IFT140: variants seen among roughly 807,000 people sequenced by gnomAD.
IFT140 encodes the protein intraflagellar transport protein 140 homolog.
In IFT140, 133 loss-of-function variants were observed where a neutral mutation model predicts 164.6. The ratio of observed to expected loss-of-function variants is 0.81; its 90% CI spans 0.70 to 0.93. The LOEUF is 0.93. Among genes scored for constraint, IFT140 ranks in the 40% least tolerant of loss-of-function variants. The probability of loss-of-function intolerance (pLI) is 0.00; values close to 1 mark genes in which losing one functional copy is unlikely to be tolerated. For synonymous variants in IFT140, 860 were observed against 817.3 expected (o/e 1.05, Z -0.89); for missense variants, 2,045 against 1,972.3 (o/e 1.04, Z -0.70).
chr16:1,545,209 C>T (rs1000523282), intron 19 of IFT140, among the ~76,000 whole-genome samples: 8 of 152,064 alleles, frequency 5.3e-5, no homozygotes, highest in South Asian at 2.1e-4. Flanking sequence ...GGGATGGTGG[C>T]GGGGGCGGGA....
intron 19 of IFT140, chr16:1,530,668 C>T (rs1596313703): frequency 6.6e-6 from 1 of 152,302 alleles, no homozygotes; most frequent in Non-Finnish European, 1.5e-5. Context: ...GTGCTCTGAA[C>T]GCCCCGTCTC....
At chr16:1,516,035 G>C (rs2040326881) in intron 30 of IFT140, among the ~76,000 whole-genome samples, 1 of 151,484 alleles carries the variant, frequency 6.6e-6, no homozygotes. Context: ...AGCTACTCCG[G>C]AGGCTGAGGC....
chr16:1,534,228 G>T, intron 19 of IFT140: 1 of 1,600,040 alleles, frequency 6.2e-7, no homozygotes. Context: ...TGCGGCCGCG[G>T]ACTGGGACTT....
rs760187674 is a variant in IFT140 at position 1,582,733 on chromosome 16, G to A, written c.1432+581C>T. Among the ~76,000 whole-genome samples the A allele has an allele frequency of 3.0e-4, 45 of 152,346 alleles. No homozygotes were observed. The Middle Eastern group carries it at 0.02, about 69-fold the overall frequency. The stretch of plus-strand genomic sequence containing the variant: ...AGCCTGGCCAACATGTTGAAACCCC[G>A]TCTCTACTAAAATATAAAAATTAGC... On this transcript the variant is annotated intron_variant, in intron 12 of 30. Coordinates refer to ENST00000426508, the MANE Select transcript of IFT140 (RefSeq NM_014714.4).
intron 19 of IFT140, among the ~76,000 whole-genome samples, chr16:1,529,962 G>A (rs528857113): frequency 2.0e-5 from 3 of 151,972 alleles, no homozygotes; most frequent in Admixed American, 6.5e-5. Flanking sequence ...TCTACAGATC[G>A]GATGGAAGGG....
chr16:1,521,846 C>T (rs2040535563), intron 26 of IFT140, among the ~76,000 whole-genome samples: 1 of 148,776 alleles, frequency 6.7e-6, no homozygotes, highest in African/African-American at 2.5e-5. Context: ...CACAGTCAGA[C>T]CCCCATCTCC....
At position 1,524,822 on chromosome 16, in the gene IFT140, G is replaced by A. The variant is rs2040631170; in HGVS notation, c.2959C>T (p.Leu987=). The change falls in exon 23 of 31, where the codon CTG becomes TTG. Residue 987 remains leucine (L), a synonymous_variant. Transcript: ENST00000426508. ...YYELARDHFS[L]VRIHCFQGNV... ...CCCTGGAAGCAGTGGATGCGGACCA[G>A]GGAGAAGTGGTCCCGGGCCAGCTCG... The A allele has an allele frequency of 1.2e-6, 2 of 1,612,468 alleles. No individual in the cohort carries two copies. The highest frequency in any genetic ancestry group is 2.2e-5 in the South Asian group (2 of 91,060).
At position 1,586,056 on chromosome 16, in the gene IFT140, C is replaced by T. The variant is rs2034858401; in HGVS notation, c.1155+74G>A. 9 of 1,576,964 alleles carry T rather than the reference C, an allele frequency of 5.7e-6. No homozygotes were observed. In the South Asian group the frequency reaches 7.7e-5, roughly 14 times the overall value. ...AAAGTGCTGGGATTACAGGCGTGAG[C>T]CACCGCGCCCGGCCATGGTCTCCAC... On this transcript the variant is annotated intron_variant, in intron 10 of 30. Transcript: ENST00000426508.
At chr16:1,519,173 G>A (rs746846927) in intron 29 of IFT140, among the ~76,000 whole-genome samples, 12 of 152,226 alleles carry the variant, frequency 7.9e-5, no homozygotes, top group East Asian at 3.9e-4. Context: ...CAGGTGGACC[G>A]TGCCCTTCCA....
chr16:1,528,618 C>T (rs533190646), intron 19 of IFT140: 86 of 154,932 alleles, frequency 5.6e-4, no homozygotes, highest in African/African-American at 1.6e-3. Context: ...CAAGTGGCCT[C>T]GGAGCATCCC....
In IFT140 at chr16:1,564,366, C is replaced by T. The variant is rs542222228; in HGVS notation, c.1902-204G>A. On this transcript the variant is annotated intron_variant, in intron 16 of 30. Coordinates refer to ENST00000426508, the MANE Select transcript of IFT140 (RefSeq NM_014714.4). This position sits in a 1 kb window ranked among gnomAD's most constrained non-coding sequence, Gnocchi z 5.5. ...GATTTTAACAACTGGGCTAAGGGTCCGAGCAAAGCCCAGTTTGAAAGAACC... is the reference window on the plus strand; with the variant it reads ...GATTTTAACAACTGGGCTAAGGGTCTGAGCAAAGCCCAGTTTGAAAGAACC... Among the ~76,000 whole-genome samples, 7 of 152,262 alleles carry T rather than the reference C, an allele frequency of 4.6e-5. No individual in the cohort carries two copies. Among genetic ancestry groups the T allele is most frequent in the Admixed American group, 6.5e-5 (1 of 15,302 alleles).
intron 11 of IFT140, 59 bp from the exon 12 acceptor site, chr16:1,583,445 A>C (rs147086637): frequency 0.022 from 30,627 of 1,377,696 alleles, 420 homozygotes; most frequent in Non-Finnish European, 0.027. Flanking sequence ...GCAACTGTAC[A>C]CCCCACTGCA....
chr16:1,571,717 C>T (rs1211621636), intron 13 of IFT140, among the ~76,000 whole-genome samples, 183 bp from the exon 14 acceptor site: 1 of 152,210 alleles, frequency 6.6e-6, no homozygotes, highest in Non-Finnish European at 1.5e-5. Flanking sequence ...AGAGTGTGCC[C>T]AGCACTCTGC....
At chr16:1,608,784 T>C (rs2036203966) in intron 2 of IFT140, among the ~76,000 whole-genome samples, 1 of 152,106 alleles carries the variant, frequency 6.6e-6, no homozygotes, top group African/African-American at 2.4e-5. Flanking sequence ...GGTGTGATCA[T>C]GGCTCACTGT....
intron 19 of IFT140, chr16:1,555,025 G>A (rs1357361318): frequency 1.9e-6 from 3 of 1,607,352 alleles, no homozygotes; most frequent in Non-Finnish European, 2.5e-6. Context: ...TCACCATGCT[G>A]AGTCGCCCTT....
Position 1,551,364 on chromosome 16 carries a change from A to C in IFT140, c.2399+6571T>G, listed in dbSNP as rs2032622076. Among the ~76,000 whole-genome samples, 1 of 152,094 alleles carries C rather than the reference A, an allele frequency of 6.6e-6. No individual in the cohort carries two copies. Among genetic ancestry groups the C allele is most frequent in the Non-Finnish European group, 1.5e-5 (1 of 68,000 alleles). ...GGGCCCCTCCTCCCCAGGGCCAGTC[A>C]AGCCGGGGACAGTGGCACGAGGAGA... On this transcript the variant is annotated intron_variant, in intron 19 of 30. Coordinates refer to ENST00000426508, the MANE Select transcript of IFT140 (RefSeq NM_014714.4). The surrounding 1 kb of genome is among the most constrained non-coding windows in gnomAD (Gnocchi z 4.0).
intron 19 of IFT140, among the ~76,000 whole-genome samples, chr16:1,545,638 A>C (rs767826294): frequency 3.3e-4 from 51 of 152,320 alleles, no homozygotes; most frequent in Non-Finnish European, 6.5e-4. Context: ...CCTCGATCCC[A>C]GGGCTCGGCA....
At chr16:1,603,105 A>G (rs2035878189) in intron 3 of IFT140, among the ~76,000 whole-genome samples, 1 of 152,158 alleles carries the variant, frequency 6.6e-6, no homozygotes, top group African/African-American at 2.4e-5. Context: ...CCAAAGCAGA[A>G]GGTAACTTGT....
intron 30 of IFT140, among the ~76,000 whole-genome samples, chr16:1,513,827 C>T (rs1383463072): frequency 6.7e-6 from 1 of 149,500 alleles, no homozygotes; most frequent in Non-Finnish European, 1.5e-5. Context: ...GCGCCCACCA[C>T]CACACCCGGC....
Sources: gnomAD v4.1 joint callset for allele counts (sites outside exome capture counted in the v4.1 genomes callset) on GRCh38, gnomAD v4.1.1 for gene constraint, Gnocchi (gnomAD v3.1) non-coding constraint, MANE v1.5 for transcripts, NCBI Gene and HGNC (gene_info 2026-07-23, HGNC 2026-07-21) for gene names.